GABRA2: variants seen among roughly 807,000 people sequenced by gnomAD.
GABRA2 encodes the protein gamma-aminobutyric acid receptor subunit alpha-2.
In GABRA2, 16 loss-of-function variants were observed where a neutral mutation model predicts 48.7. The ratio of observed to expected loss-of-function variants is 0.33; its 90% CI spans 0.22 to 0.50. The LOEUF (loss-of-function observed/expected upper bound fraction) is 0.50, where lower values mean the gene tolerates loss of function less well. GABRA2 is among the 20% of genes least tolerant of loss of function. GABRA2 has a pLI of 0.98. For synonymous variants in GABRA2, 185 were observed against 184.5 expected (o/e 1.00, Z -0.02); for missense variants, 275 against 535.6 (o/e 0.51, Z 4.80).
intron 8 of GABRA2, among the ~76,000 whole-genome samples, chr4:46,292,326 A>G (rs1723823406): frequency 6.6e-6 from 1 of 152,224 alleles, no homozygotes; most frequent in African/African-American, 2.4e-5. Context: ...ATGGTGAAAA[A>G]TCAGACACAA....
intron 8 of GABRA2, among the ~76,000 whole-genome samples, chr4:46,267,416 C>T (rs1718472005): frequency 1.3e-5 from 2 of 151,972 alleles, no homozygotes; most frequent in African/African-American, 4.8e-5. Context: ...ATAGTTAGCA[C>T]AGTTAAAGTC....
chr4:46,379,241 T>C (rs941200739), intron 3 of GABRA2, among the ~76,000 whole-genome samples: 1 of 152,160 alleles, frequency 6.6e-6, no homozygotes, highest in African/African-American at 2.4e-5. Context: ...TGTGATGAAG[T>C]CCATCAGCAT....
chr4:46,309,642 A>G (rs1212693691), intron 6 of GABRA2, among the ~76,000 whole-genome samples: 1 of 152,022 alleles, frequency 6.6e-6, no homozygotes, highest in East Asian at 1.9e-4. Context: ...CCTTTTCTGA[A>G]ATGTCCTATG....
At chr4:46,261,549 T>G (rs1461735432) in intron 9 of GABRA2, 2 of 301,312 alleles carry the variant, frequency 6.6e-6, no homozygotes, top group Non-Finnish European at 1.2e-5. Flanking sequence ...TCAAGTATAC[T>G]TACTAACAAG....
Position 46,337,865 on chromosome 4 carries a change from T to C in GABRA2, c.188-5183A>G, listed in dbSNP as rs550221852. On this transcript the variant is annotated intron_variant, in intron 3 of 9. Transcript: ENST00000381620. Reference sequence around the variant, plus strand: ...ATGGAGGGTAAGGACATGAAGAGAGTAAGTGGAAAATATTCTTTTTAAAAG... The same window carrying C: ...ATGGAGGGTAAGGACATGAAGAGAGCAAGTGGAAAATATTCTTTTTAAAAG... Among the ~76,000 whole-genome samples the C allele has an allele frequency of 8.6e-4, 130 of 151,056 alleles. 1 individual carries two copies. The highest frequency in any genetic ancestry group is 3.1e-3 in the African/African-American group (128 of 41,208).
intron 9 of GABRA2, chr4:46,256,502 T>G (rs906350104): frequency 1.2e-5 from 5 of 416,178 alleles, no homozygotes; most frequent in African/African-American, 1.0e-4. Context: ...AAAGGCAATT[T>G]CAGTGTAAGG....
chr4:46,312,115 AAT>A (rs1390948177), intron 5 of GABRA2, among the ~76,000 whole-genome samples: 1 of 152,174 alleles, frequency 6.6e-6, no homozygotes, highest in Non-Finnish European at 1.5e-5. Flanking sequence ...TGAATAAATA[AAT>A]AAAGTCTTAC....
At chr4:46,311,836 T>C (rs113416714) in intron 5 of GABRA2, among the ~76,000 whole-genome samples, 2,395 of 152,326 alleles carry the variant, frequency 0.016, 66 homozygotes, top group African/African-American at 0.055. Context: ...TGGAGGCTCA[T>C]GCCTGTAATC....
chr4:46,305,815 T>C (rs1726592373), intron 6 of GABRA2, 104 bp from the exon 7 acceptor site: 1 of 765,146 alleles, frequency 1.3e-6, no homozygotes, highest in Non-Finnish European at 2.0e-6. Context: ...ATACTTTCAA[T>C]ATTAATAGTT....
At chr4:46,281,116 G>A (rs965575915) in intron 8 of GABRA2, among the ~76,000 whole-genome samples, 10 of 152,112 alleles carry the variant, frequency 6.6e-5, no homozygotes, top group Admixed American at 1.3e-4. Flanking sequence ...ATATGATAGT[G>A]GTTCAGTCTA....
At chr4:46,390,177 A>T (rs1172833267), upstream of GABRA2, 4 of 177,926 alleles carry the variant, frequency 2.2e-5, no homozygotes, top group Non-Finnish European at 4.0e-5. Flanking sequence ...GGTTCCCGGG[A>T]AGGCAGGGCC....
intron 3 of GABRA2, among the ~76,000 whole-genome samples, chr4:46,376,112 T>A (rs976838346): frequency 1.3e-5 from 2 of 152,156 alleles, no homozygotes; most frequent in Non-Finnish European, 2.9e-5. Flanking sequence ...CGTCTTTATA[T>A]CCTGCAGAGT....
At chr4:46,313,236 A>G (rs1727981235) in intron 4 of GABRA2, among the ~76,000 whole-genome samples, 1 of 151,550 alleles carries the variant, frequency 6.6e-6, no homozygotes. Flanking sequence ...AGAAAAAAAC[A>G]CAACACTTAA....
At chr4:46,339,012 G>A (rs762775351) in intron 3 of GABRA2, among the ~76,000 whole-genome samples, 1 of 151,760 alleles carries the variant, frequency 6.6e-6, no homozygotes, top group African/African-American at 2.4e-5. Context: ...ATTATGGATG[G>A]GTATATAGTT....
chr4:46,275,055 C>T (rs1292057318), intron 8 of GABRA2, among the ~76,000 whole-genome samples: 2 of 152,074 alleles, frequency 1.3e-5, no homozygotes, highest in Admixed American at 1.3e-4. Flanking sequence ...GAATTTAACG[C>T]GGCTCTCGTG....
intron 3 of GABRA2, among the ~76,000 whole-genome samples, chr4:46,372,278 G>A (rs1715013808): frequency 6.6e-6 from 1 of 152,136 alleles, no homozygotes; most frequent in African/African-American, 2.4e-5. Flanking sequence ...TTCCCCAGAT[G>A]TCTTCCTAGC....
In GABRA2 at chr4:46,321,741, T is replaced by C. The variant is rs140239478; in HGVS notation, c.256-9025A>G. Among the ~76,000 whole-genome samples the C allele has an allele frequency of 3.3e-5, 5 of 152,060 alleles. No homozygotes were observed. The East Asian group carries it at 9.7e-4, about 30-fold the overall frequency. ...TATTTGCAAAGTTCTCAGAAAATGG[T>C]TGGACACCAAGGAAGATAGTCTGGC... On this transcript the variant is annotated intron_variant, in intron 4 of 9. Coordinates refer to ENST00000381620, the MANE Select transcript of GABRA2 (RefSeq NM_000807.4).
At chr4:46,378,614 T>G (rs1357558565) in intron 3 of GABRA2, among the ~76,000 whole-genome samples, 1 of 151,166 alleles carries the variant, frequency 6.6e-6, no homozygotes, top group East Asian at 1.9e-4. Context: ...CCTGTGACCC[T>G]GCCAAATCCC....
chr4:46,284,463 GT>G (rs749729277), intron 8 of GABRA2, among the ~76,000 whole-genome samples: 23 of 152,208 alleles, frequency 1.5e-4, no homozygotes, highest in Non-Finnish European at 2.9e-4. Flanking sequence ...ATAGCACTTA[GT>G]AAGTATCTGT....
Sources: gnomAD v4.1 joint callset for allele counts (sites outside exome capture counted in the v4.1 genomes callset) on GRCh38, gnomAD v4.1.1 for gene constraint, MANE v1.5 for transcripts, NCBI Gene and HGNC (gene_info 2026-07-23, HGNC 2026-07-21) for gene names.